The following CDC42 variants were observed in gnomAD, a reference collection of about 807,000 sequenced individuals.
CDC42 encodes the protein cell division control protein 42 homolog.
In CDC42, 1 loss-of-function variant was observed where a neutral mutation model predicts 20.8. That is an observed-to-expected ratio of 0.05 (90% CI 0.02 to 0.23). The LOEUF (loss-of-function observed/expected upper bound fraction) is 0.23. Among genes scored for constraint, CDC42 ranks in the 10% least tolerant of loss-of-function variants. The probability of loss-of-function intolerance (pLI) is 1.00; values close to 1 mark genes in which losing one functional copy is unlikely to be tolerated. For synonymous variants in CDC42, 72 were observed against 84.8 expected (o/e 0.85, Z 0.83); for missense variants, 49 against 227.9 (o/e 0.21, Z 5.05).
rs567206282 is a variant in CDC42, at chr1:22,100,859, C to T, written c.*9342C>T. The T allele has an allele frequency of 5.9e-5, 9 of 152,260 alleles. No individual in the cohort carries two copies. Among genetic ancestry groups the T allele is most frequent in the African/African-American group, 2.2e-4 (9 of 41,550 alleles). The allele number at this position is 152,260 out of a possible 1,614,324, so 9.4% of individuals were successfully genotyped here. A position where few individuals can be genotyped will look rare whatever the true frequency, so the allele number is the denominator to read the frequency against. ...GCCCCAGTGCTAGCTTCTTAGCCCT[C>T]CTTTGTAAGGTTTGCACTAGTTTGA... On this transcript the variant is annotated 3_prime_UTR_variant, in exon 6 of 6. Transcript: ENST00000656825.
chr1:22,091,344 G>A, intron 5 of CDC42, 84 bp from the exon 6 acceptor site: 1 of 802,950 alleles, frequency 1.2e-6, no homozygotes, highest in Non-Finnish European at 2.1e-6. Context: ...CCAACTCTTG[G>A]GGGTTTGAAT....
intron 1 of CDC42, chr1:22,053,443 C>G (rs1295495184): frequency 3.9e-5 from 6 of 152,198 alleles, no homozygotes; most frequent in Non-Finnish European, 2.9e-5. Context: ...GGTCGAGTTC[C>G]TAGCATTTCC....
rs17837971 is a variant in CDC42, at chr1:22,077,834, A to G, written c.-50-595A>G. Among the ~76,000 whole-genome samples, 250 of 152,358 alleles carry G rather than the reference A, an allele frequency of 1.6e-3. 2 individuals are homozygous for G. The highest frequency in any genetic ancestry group is 5.7e-3 in the African/African-American group (236 of 41,588). The stretch of plus-strand genomic sequence containing the variant: ...GCAATCTGACTTTTTCATTATAAAA[A>G]TGTAGGTTTTGGACTAGGCATTCTG... On this transcript the variant is annotated intron_variant, in intron 1 of 5. Transcript: ENST00000656825.
In CDC42 at chr1:22,097,738, GTC is replaced by G. The variant is rs1645766944; in HGVS notation, c.*6223_*6224del. On this transcript the variant is annotated 3_prime_UTR_variant, in exon 6 of 6. Transcript: ENST00000656825. ...TGCCTCTTAGAGGCATATCCAGTGA[GTC>G]TTTAAAGCCCTACGTTATAGAAAAA... Among the ~76,000 whole-genome samples, 1 of 152,236 alleles carries G rather than the reference GTC, an allele frequency of 6.6e-6. No individual in the cohort carries two copies. The highest frequency in any genetic ancestry group is 1.5e-5 in the Non-Finnish European group (1 of 68,036).
At chr1:22,078,953 C>A (rs1645579820) in intron 2 of CDC42, 2 of 778,826 alleles carry the variant, frequency 2.6e-6, no homozygotes, top group Non-Finnish European at 3.4e-6. Context: ...CCTGGGATAC[C>A]ATTTGAGGTC....
chr1:22,089,996 G>A (rs745498214), intron 5 of CDC42: 8 of 1,613,962 alleles, frequency 5.0e-6, no homozygotes, highest in East Asian at 4.5e-5. Context: ...TCGAGCCTCC[G>A]GAAACTCAAC....
rs529419670 is a variant in CDC42, at chr1:22,097,251, A to G, written c.*5734A>G. Among the ~76,000 whole-genome samples, 11 of 152,034 alleles carry G rather than the reference A, an allele frequency of 7.2e-5. No individual in the cohort carries two copies. In the South Asian group the frequency reaches 2.3e-3, roughly 32 times the overall value. ...GTGTTAGGTCCAGTTTTACCTCTTAAATCTGTATTATTACTTTTTTTTCGA... is the reference window on the plus strand; with the variant it reads ...GTGTTAGGTCCAGTTTTACCTCTTAGATCTGTATTATTACTTTTTTTTCGA... On this transcript the variant is annotated 3_prime_UTR_variant, in exon 6 of 6. Transcript: ENST00000656825.
At chr1:22,058,806 G>T (rs1645331566) in intron 1 of CDC42, among the ~76,000 whole-genome samples, 1 of 151,436 alleles carries the variant, frequency 6.6e-6, no homozygotes, top group South Asian at 2.1e-4. Context: ...GCCGAATTAC[G>T]TATTTTTTAA....
intron 5 of CDC42, among the ~76,000 whole-genome samples, chr1:22,087,258 A>G (rs887781404): frequency 9.2e-5 from 14 of 152,050 alleles, no homozygotes; most frequent in African/African-American, 2.9e-4. Flanking sequence ...AATTGATACT[A>G]TACTGTTTCT....
At chr1:22,081,650 G>T in intron 2 of CDC42, 72 bp from the exon 3 acceptor site, 1 of 907,476 alleles carries the variant, frequency 1.1e-6, no homozygotes, top group Non-Finnish European at 1.8e-6. Flanking sequence ...CACTGCCTTA[G>T]CTTAAGAGTT....
Position 22,073,885 on chromosome 1 carries a change from A to G in CDC42, c.-50-4544A>G, listed in dbSNP as rs16826413. Among the ~76,000 whole-genome samples, 812 of 151,824 alleles carry G rather than the reference A, an allele frequency of 5.3e-3. 3 individuals are homozygous for G. The highest frequency in any genetic ancestry group is 9.6e-3 in the Non-Finnish European group (654 of 67,942). Reference sequence around the variant, plus strand: ...AGGCTGGTCCCAAACTCCTGGGTTCAAGCAATCTCCCCACCTTGTCCCCCC... The same window carrying G: ...AGGCTGGTCCCAAACTCCTGGGTTCGAGCAATCTCCCCACCTTGTCCCCCC... On this transcript the variant is annotated intron_variant, in intron 1 of 5. Transcript: ENST00000656825.
chr1:22,085,244 A>AAAAGG (rs1553195978), intron 3 of CDC42, among the ~76,000 whole-genome samples: 1 of 135,956 alleles, frequency 7.4e-6, no homozygotes, highest in Non-Finnish European at 1.6e-5. Flanking sequence ...AAAAAAAAAA[A>AAAAGG]AAAAGAAAAA....
intron 1 of CDC42, among the ~76,000 whole-genome samples, chr1:22,062,158 A>G (rs1348139805): frequency 1.3e-5 from 2 of 151,528 alleles, no homozygotes; most frequent in East Asian, 3.9e-4. Context: ...CTGGTCTCAA[A>G]CTCCTGGCCT....
At chr1:22,090,422 A>G (rs1268708662) in intron 5 of CDC42, 3 of 997,732 alleles carry the variant, frequency 3.0e-6, no homozygotes, top group East Asian at 1.0e-4. Context: ...CTTATGATCA[A>G]TTGTTAATTG....
Position 22,090,094 on chromosome 1 carries a change from TA to T in CDC42, c.487-1329del, listed in dbSNP as rs1202033037. 4 of 1,581,904 alleles carry T rather than the reference TA, an allele frequency of 2.5e-6. No homozygotes were observed. In the African/African-American group the frequency reaches 5.4e-5, roughly 21 times the overall value. ...GTCCCACTACTGTAGAAAGATCGTT[TA>T]AAAACAAAGGAATAAAACCATCCTG... is the stretch of plus-strand genomic sequence containing the variant. On this transcript the variant is annotated intron_variant, in intron 5 of 5. Transcript: ENST00000656825.
At position 22,061,528 on chromosome 1, in the gene CDC42, CTTTCTTTTTTTTTTTT is replaced by C. The variant is rs1479614466; in HGVS notation, c.-51+8790_-51+8805del. On this transcript the variant is annotated intron_variant, in intron 1 of 5. Transcript: ENST00000656825. ...GGTCAATCAGTTTAACTTCATGTTTCTTTCTTTTTTTTTTTTTTTTTTTTTTTTTTTTTGAGATGGA... is the reference window on the plus strand; with the variant it reads ...GGTCAATCAGTTTAACTTCATGTTTCTTTTTTTTTTTTTTTTTGAGATGGA... 5.9e-4 allele frequency among the ~76,000 whole-genome samples: 51 copies of C among 86,294 alleles called. 2 individuals are homozygous for C. The highest frequency in any genetic ancestry group is 1.3e-3 in the Admixed American group (9 of 7,088). 56.6% of individuals were successfully genotyped at this position (86,294 alleles called of 152,430 possible).
chr1:22,076,465 T>G (rs16826447), intron 1 of CDC42, among the ~76,000 whole-genome samples: 78 of 152,156 alleles, frequency 5.1e-4, no homozygotes, highest in Non-Finnish European at 8.8e-4. Flanking sequence ...AGCAGGGACT[T>G]GAGAGTCAGA....
intron 1 of CDC42, among the ~76,000 whole-genome samples, chr1:22,055,266 T>C (rs191680756): frequency 1.1e-3 from 168 of 152,032 alleles, no homozygotes; most frequent in African/African-American, 3.9e-3. Context: ...ATTTATAGTT[T>C]TTATACTGAG....
At chr1:22,084,876 C>T (rs1203515762) in intron 3 of CDC42, among the ~76,000 whole-genome samples, 1 of 152,034 alleles carries the variant, frequency 6.6e-6, no homozygotes, top group African/African-American at 2.4e-5. Flanking sequence ...ATGTCATTTT[C>T]TCAGCACCAT....
Sources: allele counts gnomAD v4.1 joint callset (sites outside exome capture counted in the v4.1 genomes callset), GRCh38; gene constraint gnomAD v4.1.1; transcripts MANE v1.5; gene names NCBI Gene and HGNC (gene_info 2026-07-23, HGNC 2026-07-21).